Variants in RAB3C observed in about 807,000 individuals in gnomAD.
The protein encoded by RAB3C is ras-related protein Rab-3C.
Under a neutral mutation model 26.4 loss-of-function variants are expected in RAB3C, and 17 were observed. That is an observed-to-expected ratio of 0.64 (90% CI 0.44 to 0.97). The LOEUF (loss-of-function observed/expected upper bound fraction) is 0.97, where lower values mean the gene tolerates loss of function less well. Ranked by LOEUF, RAB3C falls within the 50% of genes least tolerant of loss-of-function variation. The probability of loss-of-function intolerance (pLI) is 0.00; values close to 1 mark genes in which losing one functional copy is unlikely to be tolerated. For synonymous variants in RAB3C, 91 were observed against 95.9 expected (o/e 0.95, Z 0.30); for missense variants, 242 against 281.9 (o/e 0.86, Z 1.01).
At chr5:58,604,342 A>G (rs1308396428) in intron 1 of RAB3C, among the ~76,000 whole-genome samples, 6 of 152,148 alleles carry the variant, frequency 3.9e-5, no homozygotes, top group Non-Finnish European at 5.9e-5. Context: ...GTGGAGAGGG[A>G]CCGGCGGTAG....
chr5:58,696,964 G>A (rs1314952003), intron 2 of RAB3C, among the ~76,000 whole-genome samples: 1 of 152,004 alleles, frequency 6.6e-6, no homozygotes, highest in Non-Finnish European at 1.5e-5. Flanking sequence ...CCTTCTGCTA[G>A]CTTTTGAATG....
chr5:58,735,322 C>G (rs1741109796), intron 3 of RAB3C, among the ~76,000 whole-genome samples: 1 of 152,154 alleles, frequency 6.6e-6, no homozygotes, highest in Non-Finnish European at 1.5e-5. Context: ...CTGAGCATGT[C>G]TGCAACTATC....
intron 2 of RAB3C, among the ~76,000 whole-genome samples, chr5:58,659,323 G>C (rs1173159096): frequency 1.3e-5 from 2 of 152,148 alleles, no homozygotes; most frequent in African/African-American, 2.4e-5. Context: ...TCTTCTGAAA[G>C]AGGTAATGCC....
chr5:58,686,963 G>A (rs913021371), intron 2 of RAB3C, among the ~76,000 whole-genome samples: 3 of 151,720 alleles, frequency 2.0e-5, no homozygotes, highest in Admixed American at 6.6e-5. Context: ...TCCAAATAGA[G>A]TTGAAAAAAA....
At chr5:58,737,244 C>T (rs1741158583) in intron 3 of RAB3C, among the ~76,000 whole-genome samples, 3 of 151,676 alleles carry the variant, frequency 2.0e-5, no homozygotes, top group South Asian at 4.2e-4. Context: ...TGGTAGCCCA[C>T]ATACCTCCTT....
intron 2 of RAB3C, among the ~76,000 whole-genome samples, chr5:58,640,452 T>C (rs896887585): frequency 2.0e-5 from 3 of 152,228 alleles, no homozygotes; most frequent in African/African-American, 7.2e-5. Flanking sequence ...ATTCAGACTA[T>C]ATTATTTCTA....
intron 2 of RAB3C, among the ~76,000 whole-genome samples, chr5:58,720,632 A>G (rs1435784116): frequency 6.6e-6 from 1 of 151,844 alleles, no homozygotes; most frequent in Non-Finnish European, 1.5e-5. Context: ...CCTTTGGGTT[A>G]TCACATATTC....
chr5:58,593,919 C>T (rs1167311872), intron 1 of RAB3C, among the ~76,000 whole-genome samples: 3 of 152,104 alleles, frequency 2.0e-5, no homozygotes, highest in Non-Finnish European at 2.9e-5. Context: ...TTAGGTCTAG[C>T]GACCTTCAAA....
chr5:58,817,411 A>T (rs1165845843), intron 3 of RAB3C, among the ~76,000 whole-genome samples: 1 of 152,146 alleles, frequency 6.6e-6, no homozygotes, highest in Non-Finnish European at 1.5e-5. Flanking sequence ...AAATGAATTA[A>T]TATACATATA....
chr5:58,647,629 A>T (rs1747550111), intron 2 of RAB3C: 1 of 152,202 alleles, frequency 6.6e-6, no homozygotes, highest in Non-Finnish European at 1.5e-5. Flanking sequence ...AAACTTTGAG[A>T]TCTATACTTT....
intron 2 of RAB3C, among the ~76,000 whole-genome samples, chr5:58,690,254 T>G (rs1748540683): frequency 2.0e-5 from 3 of 152,286 alleles, no homozygotes; most frequent in Non-Finnish European, 2.9e-5. Context: ...TTTTTAAAAC[T>G]GAAACAATGG....
intron 3 of RAB3C, among the ~76,000 whole-genome samples, chr5:58,757,061 C>T (rs936044005): frequency 1.4e-4 from 22 of 152,090 alleles, no homozygotes; most frequent in African/African-American, 5.3e-4. Flanking sequence ...CTCCCACCAA[C>T]AGTGTAAAAG....
At chr5:58,635,124 A>G (rs942348680) in intron 2 of RAB3C, among the ~76,000 whole-genome samples, 5 of 152,206 alleles carry the variant, frequency 3.3e-5, no homozygotes, top group Admixed American at 1.3e-4. Flanking sequence ...GAGTGAAGGG[A>G]TAAGTCATCA....
chr5:58,803,213 A>G (rs1293559717), intron 3 of RAB3C, among the ~76,000 whole-genome samples: 1 of 152,200 alleles, frequency 6.6e-6, no homozygotes, highest in Non-Finnish European at 1.5e-5. Flanking sequence ...TTGAGTCAGT[A>G]TTATTTTCAA....
At chr5:58,782,127 G>A (rs1018276141) in intron 3 of RAB3C, among the ~76,000 whole-genome samples, 1 of 152,046 alleles carries the variant, frequency 6.6e-6, no homozygotes, top group African/African-American at 2.4e-5. Flanking sequence ...AAAGATGTAA[G>A]GTCAATAAAG....
chr5:58,617,891 A>G, intron 2 of RAB3C, 21 bp downstream of exon 2: 1 of 1,473,894 alleles, frequency 6.8e-7, no homozygotes. Context: ...TTGAACTGGC[A>G]GTGTTCTTCA....
At chr5:58,851,059 C>T (rs976739793) in intron 4 of RAB3C, 105 bp from the exon 5 acceptor site, 33 of 1,105,250 alleles carry the variant, frequency 3.0e-5, no homozygotes, top group Non-Finnish European at 3.6e-5. Flanking sequence ...CTACCACCCA[C>T]TGATGTCTCA....
intron 2 of RAB3C, among the ~76,000 whole-genome samples, chr5:58,709,715 C>CG (rs1749019047): frequency 6.6e-6 from 1 of 152,184 alleles, no homozygotes; most frequent in African/African-American, 2.4e-5. Context: ...CTCTGACCCA[C>CG]GCCTCTGATT....
intron 2 of RAB3C, among the ~76,000 whole-genome samples, chr5:58,722,947 A>G (rs1310871380): frequency 6.6e-6 from 1 of 151,922 alleles, no homozygotes; most frequent in Non-Finnish European, 1.5e-5. Context: ...CAATTATGCA[A>G]CATTGCATTG....
Sources: allele counts gnomAD v4.1 joint callset (sites outside exome capture counted in the v4.1 genomes callset), GRCh38; gene constraint gnomAD v4.1.1; transcripts MANE v1.5; gene names NCBI Gene and HGNC (gene_info 2026-07-23, HGNC 2026-07-21).